TENM3: variants seen among roughly 807,000 people sequenced by gnomAD.
TENM3 encodes the protein teneurin-3.
In TENM3, 63 loss-of-function variants were observed where a neutral mutation model predicts 255.1. That is an observed-to-expected ratio of 0.25 (90% CI 0.20 to 0.30). The LOEUF (loss-of-function observed/expected upper bound fraction) is 0.30. Among genes scored for constraint, TENM3 ranks in the 10% least tolerant of loss-of-function variants. The pLI is 1.00. For synonymous variants in TENM3, 1,306 were observed against 1,322.3 expected, an observed-to-expected ratio of 0.99 and a Z score of 0.27; for missense variants, 2,929 against 3,461.1, an observed-to-expected ratio of 0.85 and a Z score of 3.86.
the TENM3 span, among the ~76,000 whole-genome samples, chr4:181,715,618 T>C: frequency 6.6e-6 from 1 of 152,248 alleles, no homozygotes; most frequent in African/African-American, 2.4e-5. Flanking sequence ...AATGCTGTTT[T>C]ATCTGTATTG....
intron 3 of TENM3, among the ~76,000 whole-genome samples, chr4:182,396,363 G>T (rs2151004860): frequency 6.6e-6 from 1 of 152,270 alleles, no homozygotes; most frequent in East Asian, 1.9e-4. Context: ...TCCACTTACA[G>T]CTGTGAGACT....
At chr4:182,352,357 C>T (rs1248935799) in intron 3 of TENM3, among the ~76,000 whole-genome samples, 1 of 152,128 alleles carries the variant, frequency 6.6e-6, no homozygotes, top group African/African-American at 2.4e-5. Context: ...AAGATTTTAG[C>T]ATGCTCCTTC....
chr4:181,974,226 C>T, the TENM3 span, among the ~76,000 whole-genome samples: 3 of 152,202 alleles, frequency 2.0e-5, no homozygotes, highest in Admixed American at 6.5e-5. Flanking sequence ...GCTGTGTTCT[C>T]ATGATAGCCG....
At chr4:182,354,683 T>C (rs1765407251) in intron 3 of TENM3, among the ~76,000 whole-genome samples, 1 of 152,242 alleles carries the variant, frequency 6.6e-6, no homozygotes, top group Non-Finnish European at 1.5e-5. Flanking sequence ...AATTTTCTTA[T>C]ATTTATCAGT....
At chr4:181,912,792 G>A in the TENM3 span, among the ~76,000 whole-genome samples, 8 of 150,184 alleles carry the variant, frequency 5.3e-5, no homozygotes, top group African/African-American at 2.0e-4. Flanking sequence ...AAAAAAGATT[G>A]TTGCAGGGGA....
the TENM3 span, among the ~76,000 whole-genome samples, chr4:181,950,168 C>T: frequency 6.6e-6 from 1 of 152,154 alleles, no homozygotes; most frequent in Non-Finnish European, 1.5e-5. Context: ...TGTGAAAGCC[C>T]TTTTCCTGGC....
intron 3 of TENM3, among the ~76,000 whole-genome samples, chr4:182,414,985 T>C (rs914483269): frequency 6.6e-6 from 1 of 152,242 alleles, no homozygotes; most frequent in African/African-American, 2.4e-5. Flanking sequence ...ACTTCGCTAG[T>C]TTTCAACCTT....
chr4:181,522,700 A>G, the TENM3 span: 1 of 671,960 alleles, frequency 1.5e-6, no homozygotes, highest in African/African-American at 1.8e-5. Context: ...GTGGCTCATT[A>G]TTTTGAAAAA....
chr4:182,279,897 A>G (rs563277474), intron 1 of TENM3, among the ~76,000 whole-genome samples: 1 of 152,232 alleles, frequency 6.6e-6, no homozygotes, highest in South Asian at 2.1e-4. Flanking sequence ...TATCTCAATC[A>G]AGAGTTCACA....
chr4:182,641,443 C>G (rs1416162346), intron 5 of TENM3, among the ~76,000 whole-genome samples: 1 of 151,694 alleles, frequency 6.6e-6, no homozygotes, highest in Non-Finnish European at 1.5e-5. Context: ...TTTAAAAAGC[C>G]AAAACAAGTG....
At chr4:182,016,989 G>A in the TENM3 span, among the ~76,000 whole-genome samples, 1 of 152,198 alleles carries the variant, frequency 6.6e-6, no homozygotes, top group Non-Finnish European at 1.5e-5. Context: ...TTTACCAAAA[G>A]TCATAAAATT....
the TENM3 span, among the ~76,000 whole-genome samples, chr4:181,456,730 A>T: frequency 8.6e-5 from 13 of 151,938 alleles, no homozygotes; most frequent in African/African-American, 2.7e-4. Context: ...TGTAAAACAG[A>T]TTATTAAAAA....
the TENM3 span, among the ~76,000 whole-genome samples, chr4:181,841,576 TTTTC>T: frequency 6.6e-6 from 1 of 152,222 alleles, no homozygotes; most frequent in South Asian, 2.1e-4. Flanking sequence ...ACTTACGTGC[TTTTC>T]TTTCTTTATA....
intron 1 of TENM3, among the ~76,000 whole-genome samples, chr4:182,305,587 A>AT (rs1762087783): frequency 6.6e-6 from 1 of 152,182 alleles, no homozygotes; most frequent in Non-Finnish European, 1.5e-5. Context: ...GCCATAATTT[A>AT]TCCTCTTTCA....
chr4:182,606,222 C>G (rs988038498), intron 4 of TENM3, among the ~76,000 whole-genome samples: 1 of 152,034 alleles, frequency 6.6e-6, no homozygotes, highest in Non-Finnish European at 1.5e-5. Context: ...ATCACAATAT[C>G]AAGAGAACAA....
chr4:182,653,472 T>G (rs1393498278), intron 5 of TENM3, among the ~76,000 whole-genome samples: 2 of 152,172 alleles, frequency 1.3e-5, no homozygotes, highest in African/African-American at 4.8e-5. Context: ...TAAAAGATGG[T>G]GAAAAATGGA....
chr4:181,788,548 C>T, the TENM3 span, among the ~76,000 whole-genome samples: 5 of 152,148 alleles, frequency 3.3e-5, no homozygotes, highest in African/African-American at 1.2e-4. Context: ...ATGTAGCCCA[C>T]CGCTGTGCTT....
At chr4:182,055,378 G>A in the TENM3 span, among the ~76,000 whole-genome samples, 39 of 103,714 alleles carry the variant, frequency 3.8e-4, no homozygotes, top group African/African-American at 2.4e-3. Context: ...TAAATAAATA[G>A]ACCTCCCACA....
At chr4:182,243,082 G>C (rs150703348), upstream of TENM3, among the ~76,000 whole-genome samples, 55 of 152,280 alleles carry the variant, frequency 3.6e-4, no homozygotes, top group African/African-American at 1.0e-3. Flanking sequence ...GATGTGTTTA[G>C]AATGTCTTAA....
Sources: allele counts gnomAD v4.1 joint callset (sites outside exome capture counted in the v4.1 genomes callset), GRCh38; gene constraint gnomAD v4.1.1; transcripts MANE v1.5; gene names NCBI Gene and HGNC (gene_info 2026-07-23, HGNC 2026-07-21).